SGCD: variants seen among roughly 807,000 people sequenced by gnomAD.
SGCD encodes the protein delta-sarcoglycan.
A neutral mutation model predicts 36.6 loss-of-function variants in SGCD; 18 were observed. The ratio of observed to expected loss-of-function variants is 0.49; its 90% CI spans 0.34 to 0.73. The LOEUF is 0.73. SGCD is among the 30% of genes least tolerant of loss of function. SGCD has a pLI of 0.01. For synonymous variants in SGCD, 133 were observed against 130.6 expected (o/e 1.02, Z -0.12); for missense variants, 387 against 346.7 (o/e 1.12, Z -0.92).
intron 1 of SGCD, among the ~76,000 whole-genome samples, chr5:156,014,986 C>T (rs190531230): frequency 7.9e-4 from 121 of 152,258 alleles, no homozygotes; most frequent in African/African-American, 2.8e-3. Flanking sequence ...ATCTCCCCTT[C>T]GTAGATATTG....
intron 3 of SGCD, among the ~76,000 whole-genome samples, chr5:156,495,010 T>A (rs912903083): frequency 1.9e-4 from 29 of 152,228 alleles, no homozygotes; most frequent in African/African-American, 5.8e-4. Context: ...TGTGTGATGC[T>A]CTGGGAAAAG....
At chr5:156,338,884 C>T (rs762881037) in intron 2 of SGCD, among the ~76,000 whole-genome samples, 5 of 152,042 alleles carry the variant, frequency 3.3e-5, no homozygotes, top group Admixed American at 1.3e-4. Context: ...AAGTCCAAGT[C>T]GATCCTTGAC....
chr5:155,974,257 G>A (rs1758064381), intron 1 of SGCD, among the ~76,000 whole-genome samples: 1 of 152,070 alleles, frequency 6.6e-6, no homozygotes, highest in African/African-American at 2.4e-5. Flanking sequence ...AGGAAATTGA[G>A]ACCCAGGCAA....
At chr5:156,391,475 A>G (rs964685704) in intron 3 of SGCD, among the ~76,000 whole-genome samples, 3 of 152,248 alleles carry the variant, frequency 2.0e-5, no homozygotes, top group African/African-American at 4.8e-5. Flanking sequence ...TATTTAAAAC[A>G]AAAAAGAAAA....
At chr5:155,746,050 A>G in the SGCD span, among the ~76,000 whole-genome samples, 1 of 152,208 alleles carries the variant, frequency 6.6e-6, no homozygotes, top group African/African-American at 2.4e-5. Flanking sequence ...AACATTGTTT[A>G]TAATAGCAAG....
intron 3 of SGCD, among the ~76,000 whole-genome samples, chr5:156,177,321 T>A (rs970780437): frequency 5.3e-5 from 8 of 152,078 alleles, no homozygotes; most frequent in Non-Finnish European, 8.8e-5. Context: ...TTTTAAAAAA[T>A]TTTTCTGGTG....
chr5:156,578,813 G>A (rs887519124), intron 4 of SGCD, among the ~76,000 whole-genome samples: 3 of 151,942 alleles, frequency 2.0e-5, no homozygotes, highest in African/African-American at 7.2e-5. Flanking sequence ...CTTTTCTTCT[G>A]TATTAGTCTT....
chr5:156,556,903 T>A (rs1226983239), intron 4 of SGCD, among the ~76,000 whole-genome samples: 1 of 152,208 alleles, frequency 6.6e-6, no homozygotes, highest in Admixed American at 6.6e-5. Flanking sequence ...AAGAGTCATA[T>A]GTTTTACCAC....
intron 3 of SGCD, among the ~76,000 whole-genome samples, chr5:156,244,726 G>T (rs1417018690): frequency 6.6e-6 from 1 of 152,100 alleles, no homozygotes; most frequent in Non-Finnish European, 1.5e-5. Context: ...AGATATTGAT[G>T]GTTATAAATA....
chr5:155,869,319 T>C (rs979365613), upstream of SGCD, among the ~76,000 whole-genome samples: 1 of 152,234 alleles, frequency 6.6e-6, no homozygotes, highest in Non-Finnish European at 1.5e-5. Context: ...TATTGTTGTA[T>C]GAATTAATGA....
At chr5:155,779,406 C>G in the SGCD span, among the ~76,000 whole-genome samples, 1 of 151,962 alleles carries the variant, frequency 6.6e-6, no homozygotes, top group Non-Finnish European at 1.5e-5. Context: ...CCATTGCACT[C>G]TAGTCTGGGT....
Position 156,558,944 on chromosome 5 carries a change from A to C in SGCD, c.295-30287A>C, listed in dbSNP as rs868695788. On this transcript the variant is annotated intron_variant, in intron 4 of 8. Transcript: ENST00000337851. ...TCTTCAGTAACATGTGATTAACAGG[A>C]CATTAGAAGGCAAAAGCCAGCATTT... Among the ~76,000 whole-genome samples the C allele has an allele frequency of 3.3e-5, 5 of 152,320 alleles. 1 individual carries two copies. Among genetic ancestry groups the C allele is most frequent in the Non-Finnish European group, 7.3e-5 (5 of 68,028 alleles).
At chr5:155,790,271 C>T in the SGCD span, among the ~76,000 whole-genome samples, 3 of 151,894 alleles carry the variant, frequency 2.0e-5, no homozygotes, top group African/African-American at 7.3e-5. Flanking sequence ...GAAAGTTACC[C>T]AAGACAGCAT....
At chr5:155,946,193 T>C (rs1165778407) in intron 1 of SGCD, among the ~76,000 whole-genome samples, 1 of 152,272 alleles carries the variant, frequency 6.6e-6, no homozygotes, top group African/African-American at 2.4e-5. Context: ...AGAAGCATGT[T>C]GATTTTTAGG....
At chr5:156,122,213 C>A (rs779463111) in intron 2 of SGCD, among the ~76,000 whole-genome samples, 11 of 152,086 alleles carry the variant, frequency 7.2e-5, no homozygotes, top group Non-Finnish European at 1.6e-4. Context: ...TTCATTCATT[C>A]AAAAAATATT....
chr5:155,772,031 G>A, the SGCD span, among the ~76,000 whole-genome samples: 14 of 152,262 alleles, frequency 9.2e-5, no homozygotes, highest in African/African-American at 2.9e-4. Context: ...TTTATTACAA[G>A]TGACAGAAAC....
At chr5:156,426,177 G>A (rs752295355) in intron 3 of SGCD, among the ~76,000 whole-genome samples, 6 of 151,960 alleles carry the variant, frequency 3.9e-5, no homozygotes, top group Non-Finnish European at 7.4e-5. Context: ...AATTCTACTA[G>A]CAACGTAAAG....
chr5:156,702,294 C>T (rs1754558660), intron 7 of SGCD, among the ~76,000 whole-genome samples: 1 of 152,052 alleles, frequency 6.6e-6, no homozygotes, highest in Non-Finnish European at 1.5e-5. Context: ...TAATTTTCTA[C>T]TCCTAAACAT....
rs183325570 is a variant in SGCD at position 156,650,972 on chromosome 5, C to T, written c.575+3436C>T. ...TAAGTGTTCCTTTACTCCACAGTCT[C>T]ACCAACATCTGTTGTTTCTTGACTT... On this transcript the variant is annotated intron_variant, in intron 7 of 8. Transcript: ENST00000337851. Among the ~76,000 whole-genome samples the T allele has an allele frequency of 8.5e-4, 130 of 152,244 alleles. 1 individual carries two copies. The highest frequency in any genetic ancestry group is 2.9e-3 in the African/African-American group (122 of 41,556).
Sources: gnomAD v4.1 joint callset for allele counts (sites outside exome capture counted in the v4.1 genomes callset) on GRCh38, gnomAD v4.1.1 for gene constraint, MANE v1.5 for transcripts, NCBI Gene and HGNC (gene_info 2026-07-23, HGNC 2026-07-21) for gene names.